The following CPSF7 variants were observed in gnomAD, a reference collection of about 807,000 sequenced individuals.
CPSF7 encodes the protein cleavage and polyadenylation specificity factor subunit 7.
Under a neutral mutation model 44.3 loss-of-function variants are expected in CPSF7, and 1 was observed. That is an observed-to-expected ratio of 0.02 (90% confidence interval 0.01 to 0.11). The LOEUF is 0.11. Among genes scored for constraint, CPSF7 ranks in the 10% least tolerant of loss-of-function variants. The pLI is 1.00. For missense variants in CPSF7, 443 were observed against 607.2 expected, an observed-to-expected ratio of 0.73 and a Z score of 2.84; for synonymous variants, 202 against 222.0, an observed-to-expected ratio of 0.91 and a Z score of 0.80.
chr11:61,410,213 T>A (rs770599793), intron 9 of CPSF7, among the ~76,000 whole-genome samples: 4 of 151,392 alleles, frequency 2.6e-5, no homozygotes, highest in Non-Finnish European at 4.4e-5. Context: ...CCCTCCCACC[T>A]CCACCTCCTA....
intron 9 of CPSF7, among the ~76,000 whole-genome samples, chr11:61,409,104 CAG>C (rs1859605663): frequency 6.6e-6 from 1 of 151,980 alleles, no homozygotes; most frequent in Non-Finnish European, 1.5e-5. Flanking sequence ...TGCCTCATGA[CAG>C]TGCACTCCAG....
chr11:61,408,577 T>G (rs1234180089), intron 9 of CPSF7, among the ~76,000 whole-genome samples: 1 of 151,978 alleles, frequency 6.6e-6, no homozygotes, highest in Non-Finnish European at 1.5e-5. Context: ...TTTAAAGATT[T>G]CCATAGAAGC....
intron 2 of CPSF7, 30 bp from the exon 3 acceptor site, chr11:61,421,638 T>C (rs898175690): frequency 1.4e-5 from 21 of 1,466,892 alleles, no homozygotes; most frequent in Non-Finnish European, 2.0e-5. Flanking sequence ...CAAAGGTAGG[T>C]CTGCAAACTT....
At position 61,405,640 on chromosome 11, in the gene CPSF7, G is replaced by A. The variant is rs1261385655; in HGVS notation, c.*6-936C>T. Among the ~76,000 whole-genome samples, 3 of 152,226 alleles carry A rather than the reference G, an allele frequency of 2.0e-5. No individual in the cohort carries two copies. The East Asian group carries it at 5.8e-4, about 29-fold the overall frequency. The stretch of plus-strand genomic sequence containing the variant: ...ATATTAAACAGAATTAATAGCCAAA[G>A]GGAAAATGAGGAATTAGAATTTCTC... On this transcript the variant is annotated intron_variant, in intron 9 of 9. Coordinates refer to ENST00000439958, the MANE Select transcript of CPSF7 (RefSeq NM_001142565.3).
At chr11:61,426,189 G>C (rs1326919995) in intron 2 of CPSF7, among the ~76,000 whole-genome samples, 1 of 152,230 alleles carries the variant, frequency 6.6e-6, no homozygotes, top group African/African-American at 2.4e-5. Context: ...GAGGAGCAAA[G>C]TGCACATGAA....
Position 61,414,625 on chromosome 11 carries a change from A to T in CPSF7, c.1057+1041T>A, listed in dbSNP as rs186221299. 6.0e-3 allele frequency among the ~76,000 whole-genome samples: 908 copies of T among 152,324 alleles called. 19 individuals are homozygous for T. Among genetic ancestry groups the T allele is most frequent in the Admixed American group, 0.033 (507 of 15,300 alleles). ...TTAGGGCTAACTTATTTCTTAGGAG[A>T]TCTGATAATCTACAGACATTTACAT... On this transcript the variant is annotated intron_variant, in intron 7 of 9. Coordinates refer to ENST00000439958, the MANE Select transcript of CPSF7 (RefSeq NM_001142565.3).
intron 4 of CPSF7, 63 bp downstream of exon 4, chr11:61,420,406 AT>A: frequency 6.9e-7 from 1 of 1,440,560 alleles, no homozygotes; most frequent in Non-Finnish European, 9.8e-7. Context: ...GGGCCAAAAT[AT>A]AGTACAGATC....
At chr11:61,416,853 G>A (rs777134268) in intron 5 of CPSF7, among the ~76,000 whole-genome samples, 1 of 152,118 alleles carries the variant, frequency 6.6e-6, no homozygotes, top group Non-Finnish European at 1.5e-5. Flanking sequence ...GAAAATGACA[G>A]TGTTCACTGA....
intron 5 of CPSF7, among the ~76,000 whole-genome samples, chr11:61,418,487 G>C (rs999410736): frequency 6.6e-6 from 1 of 152,154 alleles, no homozygotes; most frequent in East Asian, 1.9e-4. Flanking sequence ...ACAAGAGACT[G>C]ATTCATAAAC....
intron 1 of CPSF7, 42 bp from the exon 2 acceptor site, chr11:61,429,332 G>A: frequency 3.3e-6 from 4 of 1,203,718 alleles, no homozygotes; most frequent in Non-Finnish European, 4.9e-6. Flanking sequence ...AGGCACGAGG[G>A]TCCTGGGCTG....
intron 8 of CPSF7, 66 bp downstream of exon 8, chr11:61,411,703 C>T: frequency 1.4e-6 from 2 of 1,445,788 alleles, no homozygotes; most frequent in Non-Finnish European, 1.9e-6. Context: ...TCCATTTGTC[C>T]CCACTCCCTA....
At position 61,429,246 on chromosome 11, in the gene CPSF7, G is replaced by A. The variant is rs758802235; in HGVS notation, c.-11C>T. ...CACTCCTTCTGACATGGCTCCGGAAGGAAGATCGCGAGTCCGGAGGATGGA... is the reference window on the plus strand; with the variant it reads ...CACTCCTTCTGACATGGCTCCGGAAAGAAGATCGCGAGTCCGGAGGATGGA... On this transcript the variant is annotated 5_prime_UTR_variant, in exon 2 of 10. Transcript: ENST00000439958. The A allele has an allele frequency of 1.2e-6, 2 of 1,613,680 alleles. No individual in the cohort carries two copies. Among genetic ancestry groups the A allele is most frequent in the East Asian group, 2.2e-5 (1 of 44,888 alleles).
intron 5 of CPSF7, among the ~76,000 whole-genome samples, chr11:61,418,590 T>G (rs1860555464): frequency 1.3e-5 from 2 of 152,172 alleles, no homozygotes; most frequent in South Asian, 4.1e-4. Context: ...CTCTTCCTAG[T>G]AGGAGACCCT....
intron 9 of CPSF7, among the ~76,000 whole-genome samples, chr11:61,408,118 G>T (rs894310712): frequency 3.3e-5 from 5 of 149,430 alleles, no homozygotes; most frequent in African/African-American, 1.0e-4. Flanking sequence ...GTACAGTGGC[G>T]CGATCTCGGC....
intron 1 of CPSF7, 193 bp from the exon 2 acceptor site, chr11:61,429,483 C>G (rs1039849240): frequency 3.2e-5 from 17 of 525,656 alleles, no homozygotes; most frequent in African/African-American, 2.6e-4. Flanking sequence ...CGCTGCCCAT[C>G]ACCCTCGGGC....
At chr11:61,412,527 G>A (rs1859947876) in intron 7 of CPSF7, among the ~76,000 whole-genome samples, 1 of 152,164 alleles carries the variant, frequency 6.6e-6, no homozygotes, top group South Asian at 2.1e-4. Flanking sequence ...CTGACCCTGT[G>A]ATCCGCCCGC....
intron 7 of CPSF7, among the ~76,000 whole-genome samples, chr11:61,414,605 G>T (rs932643454): frequency 6.6e-6 from 1 of 152,154 alleles, no homozygotes; most frequent in Non-Finnish European, 1.5e-5. Flanking sequence ...AATATTTAGG[G>T]CTAACTTATT....
chr11:61,426,417 GA>G (rs1861346474), intron 2 of CPSF7: 1 of 152,090 alleles, frequency 6.6e-6, no homozygotes, highest in South Asian at 2.1e-4. Flanking sequence ...GTGTGGGGGG[GA>G]AGCACTCATC....
At chr11:61,421,141 A>C (rs1170441980) in intron 3 of CPSF7, 1 of 1,434,044 alleles carries the variant, frequency 7.0e-7, no homozygotes, top group Non-Finnish European at 9.3e-7. Flanking sequence ...CTAGACATAA[A>C]GCCCCAGGGT....
Sources: gnomAD v4.1 joint callset for allele counts (sites outside exome capture counted in the v4.1 genomes callset) on GRCh38, gnomAD v4.1.1 for gene constraint, MANE v1.5 for transcripts, NCBI Gene and HGNC (gene_info 2026-07-23, HGNC 2026-07-21) for gene names.